STAT3: variants seen among roughly 807,000 people sequenced by gnomAD.
The protein encoded by STAT3 is DNA-binding protein APRF.
STAT3 carries 7 observed loss-of-function variants against 114.3 expected under a neutral mutation model. The observed-to-expected ratio is 0.06, with a 90% CI of 0.03 to 0.11. The LOEUF (loss-of-function observed/expected upper bound fraction) is 0.11. Among genes scored for constraint, STAT3 ranks in the 10% least tolerant of loss-of-function variants. The pLI is 1.00. For missense variants in STAT3, 364 were observed against 960.9 expected, an observed-to-expected ratio of 0.38 and a Z score of 8.21; for synonymous variants, 331 against 354.5, an observed-to-expected ratio of 0.93 and a Z score of 0.74.
chr17:42,365,405 G>A (rs2083722287), intron 1 of STAT3, among the ~76,000 whole-genome samples: 2 of 152,120 alleles, frequency 1.3e-5, no homozygotes, highest in Admixed American at 6.5e-5. Context: ...CTCAGACATC[G>A]CAGAGCAAAG....
Position 42,322,514 on chromosome 17 carries a change from G to A in STAT3, c.1889-20C>T. 1.2e-6 allele frequency: 2 copies of A among 1,613,818 alleles called. No homozygotes were observed. Among genetic ancestry groups the A allele is most frequent in the Non-Finnish European group, 1.7e-6 (2 of 1,179,672 alleles). On this transcript the variant is annotated intron_variant, in intron 20 of 23. Coordinates refer to ENST00000264657, the MANE Select transcript of STAT3 (RefSeq NM_139276.3). ...TCTTACCTGTCACAGGACATGGGAA[G>A]GAAAGATCATGGAACCTACAGCTAG...
rs150534449 is a variant in STAT3 at position 42,369,312 on chromosome 17, G to A, written c.-24+18967C>T. On this transcript the variant is annotated intron_variant, in intron 1 of 23. Coordinates refer to ENST00000264657, the MANE Select transcript of STAT3 (RefSeq NM_139276.3). ...GCGGAGGTTGCAGTGAGCTGAAATC[G>A]TGCCACCTGCATTCCAGCCTGGGCA... 2.4e-3 allele frequency among the ~76,000 whole-genome samples: 361 copies of A among 152,236 alleles called. 3 individuals carry two copies. The highest frequency in any genetic ancestry group is 8.2e-3 in the African/African-American group (340 of 41,548).
chr17:42,369,562 T>G (rs994165869), intron 1 of STAT3, among the ~76,000 whole-genome samples: 1 of 152,202 alleles, frequency 6.6e-6, no homozygotes, highest in Non-Finnish European at 1.5e-5. Context: ...TGCTTTTCAA[T>G]GCTTTACCCT....
At chr17:42,331,355 G>T in intron 11 of STAT3, 117 bp downstream of exon 11, 1 of 979,200 alleles carries the variant, frequency 1.0e-6, no homozygotes, top group Non-Finnish European at 1.5e-6. Context: ...GAAAACTTTT[G>T]TCCACAAAAT....
At chr17:42,343,852 T>C (rs2082565766) in intron 4 of STAT3, among the ~76,000 whole-genome samples, 1 of 152,202 alleles carries the variant, frequency 6.6e-6, no homozygotes, top group South Asian at 2.1e-4. Flanking sequence ...CAATGGCCTT[T>C]CTAAACCTTG....
chr17:42,320,896 G>A (rs1598388863), intron 21 of STAT3, among the ~76,000 whole-genome samples: 1 of 151,930 alleles, frequency 6.6e-6, no homozygotes, highest in Non-Finnish European at 1.5e-5. Context: ...CCTCCACACT[G>A]AGGACAGCTG....
intron 1 of STAT3, among the ~76,000 whole-genome samples, chr17:42,355,552 C>CT (rs972926269): frequency 7.2e-5 from 11 of 152,052 alleles, no homozygotes; most frequent in Non-Finnish European, 1.5e-5. Flanking sequence ...TTTTCTATAA[C>CT]TGAAGAGAAA....
intron 1 of STAT3, among the ~76,000 whole-genome samples, chr17:42,370,815 G>A (rs2084081727): frequency 6.8e-6 from 1 of 147,496 alleles, no homozygotes; most frequent in African/African-American, 2.5e-5. Flanking sequence ...CTACGTATTG[G>A]CCAGGCTGGT....
chr17:42,378,008 T>C (rs1476244346), intron 1 of STAT3, among the ~76,000 whole-genome samples: 1 of 132,842 alleles, frequency 7.5e-6, no homozygotes, highest in Non-Finnish European at 1.6e-5. Context: ...TTTTTTGAGA[T>C]GGAGTCTTGC....
chr17:42,365,407 A>C (rs2083722630), intron 1 of STAT3, among the ~76,000 whole-genome samples: 1 of 152,178 alleles, frequency 6.6e-6, no homozygotes, highest in African/African-American at 2.4e-5. Context: ...CAGACATCGC[A>C]GAGCAAAGAC....
intron 8 of STAT3, among the ~76,000 whole-genome samples, chr17:42,335,694 G>A (rs536907879): frequency 5.3e-5 from 8 of 152,104 alleles, no homozygotes; most frequent in South Asian, 2.1e-4. Flanking sequence ...GAGGCAGGTC[G>A]ATCTACTAAA....
intron 1 of STAT3, among the ~76,000 whole-genome samples, chr17:42,371,574 G>A (rs1000077009): frequency 1.3e-5 from 2 of 151,252 alleles, no homozygotes; most frequent in African/African-American, 4.9e-5. Flanking sequence ...TACTCAGGAG[G>A]CTGTGGCAGG....
chr17:42,382,938 C>A (rs892340470), intron 1 of STAT3, among the ~76,000 whole-genome samples: 1 of 151,968 alleles, frequency 6.6e-6, no homozygotes, highest in Non-Finnish European at 1.5e-5. Context: ...CCACCACACC[C>A]GGCTGGGTAA....
intron 1 of STAT3, among the ~76,000 whole-genome samples, chr17:42,386,377 A>G (rs928504508): frequency 6.6e-6 from 1 of 152,026 alleles, no homozygotes. Context: ...GCGTTGGCCA[A>G]GTGTCTTGAT....
chr17:42,388,323 C>G lies in STAT3; in HGVS notation c.-68G>C, dbSNP rs897853878. 8.1e-6 allele frequency: 10 copies of G among 1,231,964 alleles called. No individual in the cohort carries two copies. The South Asian group carries it at 3.7e-4, about 46-fold the overall frequency. The allele number at this position is 1,231,964 out of a possible 1,614,324, so 76.3% of individuals were successfully genotyped here. A position where few individuals can be genotyped will look rare whatever the true frequency, so the allele number is the denominator to read the frequency against. On this transcript the variant is annotated 5_prime_UTR_variant, in exon 1 of 24. Transcript: ENST00000264657. The stretch of plus-strand genomic sequence containing the variant: ...CGAGAGGCCGGGGCTGCGCGTGTGC[C>G]GGGGACGGGCGGCGAGGCTCCCTCA...
intron 22 of STAT3, 53 bp downstream of exon 22, chr17:42,317,129 G>A (rs1352159549): frequency 6.2e-6 from 10 of 1,612,178 alleles, no homozygotes; most frequent in Non-Finnish European, 7.6e-6. Flanking sequence ...CATTCCCAGG[G>A]ATAACTGAGG....
intron 1 of STAT3, among the ~76,000 whole-genome samples, chr17:42,356,074 C>T (rs1452662337): frequency 1.3e-5 from 2 of 152,064 alleles, no homozygotes; most frequent in African/African-American, 4.8e-5. Flanking sequence ...TATCTGCTGC[C>T]TACACTAACC....
chr17:42,340,173 C>T (rs1225313898), intron 4 of STAT3, among the ~76,000 whole-genome samples: 1 of 151,884 alleles, frequency 6.6e-6, no homozygotes, highest in Non-Finnish European at 1.5e-5. Context: ...GCCTGACCGA[C>T]ACGGAGAAAC....
intron 1 of STAT3, among the ~76,000 whole-genome samples, chr17:42,385,214 G>GTA (rs1298109575): frequency 6.6e-6 from 1 of 151,978 alleles, no homozygotes; most frequent in Admixed American, 6.6e-5. Context: ...GTTGCAAAAG[G>GTA]TATATATATG....
Sources: allele counts gnomAD v4.1 joint callset (sites outside exome capture counted in the v4.1 genomes callset), GRCh38; gene constraint gnomAD v4.1.1; transcripts MANE v1.5; gene names NCBI Gene and HGNC (gene_info 2026-07-23, HGNC 2026-07-21).